Variants in CNTN5 observed in about 807,000 individuals in gnomAD.
CNTN5 encodes contactin 5, also known as contactin-5.
Under a neutral mutation model 129.1 loss-of-function variants are expected in CNTN5, and 77 were observed. The ratio of observed to expected loss-of-function variants is 0.60; its 90% CI spans 0.50 to 0.72. The LOEUF is 0.72. Ranked by LOEUF, CNTN5 falls within the 30% of genes least tolerant of loss-of-function variation. The pLI, the probability that CNTN5 is intolerant of heterozygous loss-of-function variation, is 0.00. For missense variants in CNTN5, 1,478 were observed against 1,328.8 expected, an observed-to-expected ratio of 1.11 and a Z score of -1.75; for synonymous variants, 509 against 465.6, an observed-to-expected ratio of 1.09 and a Z score of -1.20.
intron 1 of CNTN5, among the ~76,000 whole-genome samples, chr11:99,317,473 G>GT (rs1394883872): frequency 6.6e-6 from 1 of 152,076 alleles, no homozygotes; most frequent in Admixed American, 6.6e-5. Flanking sequence ...GTGCACATAT[G>GT]TGAGAAACGA....
At chr11:99,475,802 G>C (rs1463020438) in intron 2 of CNTN5, among the ~76,000 whole-genome samples, 1 of 150,784 alleles carries the variant, frequency 6.6e-6, no homozygotes, top group African/African-American at 2.4e-5. Flanking sequence ...TTCGTTTTTG[G>C]ATGGTTTCTA....
intron 1 of CNTN5, among the ~76,000 whole-genome samples, chr11:99,256,307 C>A (rs1291374518): frequency 6.6e-6 from 1 of 152,028 alleles, no homozygotes; most frequent in Non-Finnish European, 1.5e-5. Flanking sequence ...GAGACTTTCT[C>A]TGGTCTTACT....
chr11:100,073,139 A>G (rs1966861), intron 12 of CNTN5, among the ~76,000 whole-genome samples: 14,236 of 151,950 alleles, frequency 0.094, 856 homozygotes, highest in East Asian at 0.19. Context: ...CTCCGCCTCC[A>G]GGGTTCAAGC....
intron 2 of CNTN5, among the ~76,000 whole-genome samples, chr11:99,326,235 A>G (rs72983722): frequency 0.26 from 40,004 of 152,180 alleles, 5,917 homozygotes; most frequent in Middle Eastern, 0.37. Context: ...CTATTTAACT[A>G]CAATACTTCT....
intron 1 of CNTN5, among the ~76,000 whole-genome samples, chr11:99,050,009 T>C (rs1352471461): frequency 6.6e-6 from 1 of 152,152 alleles, no homozygotes; most frequent in Non-Finnish European, 1.5e-5. Context: ...GTGAGAGTAT[T>C]ATGCAATGAA....
chr11:99,508,872 G>A (rs976111110), intron 2 of CNTN5, among the ~76,000 whole-genome samples: 94 of 151,992 alleles, frequency 6.2e-4, no homozygotes, highest in African/African-American at 2.2e-3. Context: ...GTAGAGACGG[G>A]GTTTCACCAG....
chr11:99,449,304 TAAATA>T (rs1484228605), intron 2 of CNTN5, among the ~76,000 whole-genome samples: 1 of 152,194 alleles, frequency 6.6e-6, no homozygotes, highest in African/African-American at 2.4e-5. Flanking sequence ...AATGCTGACT[TAAATA>T]AAAGCCATTA....
chr11:99,687,753 T>G (rs1271955867), intron 3 of CNTN5, among the ~76,000 whole-genome samples: 2 of 152,196 alleles, frequency 1.3e-5, no homozygotes, highest in African/African-American at 4.8e-5. Context: ...ACATTTCTCC[T>G]AAAATATATT....
At chr11:99,947,080 A>G (rs1009782186) in intron 7 of CNTN5, among the ~76,000 whole-genome samples, 5 of 147,874 alleles carry the variant, frequency 3.4e-5, no homozygotes, top group African/African-American at 1.3e-4. Flanking sequence ...TAGAAAAAAT[A>G]TAAACATGAT....
chr11:99,654,196 G>A (rs1033949980), intron 3 of CNTN5, among the ~76,000 whole-genome samples: 3 of 152,048 alleles, frequency 2.0e-5, no homozygotes, highest in Non-Finnish European at 4.4e-5. Context: ...TAGCTTTTAA[G>A]TTTTTCAAAT....
chr11:99,918,769 T>A (rs1227178007), intron 7 of CNTN5, among the ~76,000 whole-genome samples: 1 of 152,166 alleles, frequency 6.6e-6, no homozygotes, highest in African/African-American at 2.4e-5. Flanking sequence ...CTGTTCTTCG[T>A]CCCCTACTTC....
rs1410246920 is a variant in CNTN5 at position 99,045,738 on chromosome 11, G to T, written c.-210+24468G>T. ...GTGTTCAATAACAGGATTGACTAATGTAAAGGAAGTAATACTTAGTAAACA... is the reference window on the plus strand; with the variant it reads ...GTGTTCAATAACAGGATTGACTAATTTAAAGGAAGTAATACTTAGTAAACA... On this transcript the variant is annotated intron_variant, in intron 1 of 24. Coordinates refer to ENST00000524871, the MANE Select transcript of CNTN5 (RefSeq NM_014361.4). 2.6e-5 allele frequency among the ~76,000 whole-genome samples: 4 copies of T among 152,144 alleles called. No individual in the cohort carries two copies. The East Asian group carries it at 7.7e-4, about 29-fold the overall frequency.
At chr11:99,772,386 C>T (rs550518775) in intron 3 of CNTN5, among the ~76,000 whole-genome samples, 2 of 152,164 alleles carry the variant, frequency 1.3e-5, no homozygotes, top group East Asian at 3.9e-4. Flanking sequence ...GGAAATGACA[C>T]TTAACTGCCA....
chr11:99,373,540 C>G (rs1033402236), intron 2 of CNTN5, among the ~76,000 whole-genome samples: 2 of 151,480 alleles, frequency 1.3e-5, no homozygotes, highest in African/African-American at 2.4e-5. Context: ...ATGGAGAAAC[C>G]CTGTCTCTAC....
chr11:100,080,670 G>C (rs186355319), intron 13 of CNTN5, among the ~76,000 whole-genome samples: 2 of 152,212 alleles, frequency 1.3e-5, no homozygotes, highest in Admixed American at 1.3e-4. Context: ...TGCTGGGTTT[G>C]CTAATGAACA....
At chr11:99,164,904 C>T (rs1246342967) in intron 1 of CNTN5, among the ~76,000 whole-genome samples, 1 of 152,128 alleles carries the variant, frequency 6.6e-6, no homozygotes, top group African/African-American at 2.4e-5. Flanking sequence ...TGTCTCTCTA[C>T]ATAGCGAGAT....
intron 7 of CNTN5, among the ~76,000 whole-genome samples, chr11:99,926,595 T>A (rs2060942): frequency 5.3e-5 from 8 of 151,788 alleles, no homozygotes; most frequent in South Asian, 2.1e-4. Context: ...GACAAGACTT[T>A]TTTGGCATCT....
chr11:100,002,336 T>G (rs1431565868), intron 9 of CNTN5, among the ~76,000 whole-genome samples, 200 bp downstream of exon 9: 1 of 152,130 alleles, frequency 6.6e-6, no homozygotes, highest in Non-Finnish European at 1.5e-5. Context: ...GACAACAGTT[T>G]CTATAATTTT....
intron 3 of CNTN5, among the ~76,000 whole-genome samples, chr11:99,640,335 T>G (rs1951726265): frequency 6.6e-6 from 1 of 152,228 alleles, no homozygotes; most frequent in African/African-American, 2.4e-5. Context: ...TTAATTGGAC[T>G]TATAGTTCCA....
Sources: gnomAD v4.1 joint callset for allele counts (sites outside exome capture counted in the v4.1 genomes callset) on GRCh38, gnomAD v4.1.1 for gene constraint, MANE v1.5 for transcripts, NCBI Gene and HGNC (gene_info 2026-07-23, HGNC 2026-07-21) for gene names.